HDAC4: variants seen among roughly 807,000 people sequenced by gnomAD.
HDAC4 encodes histone deacetylase 4, also known as histone deacetylase A.
A neutral mutation model predicts 135.1 loss-of-function variants in HDAC4; 16 were observed. The observed-to-expected ratio is 0.12, with a 90% CI of 0.08 to 0.18. The LOEUF is 0.18. Among genes scored for constraint, HDAC4 ranks in the 10% least tolerant of loss-of-function variants. The pLI is 1.00. For synonymous variants in HDAC4, 685 were observed against 653.4 expected, an observed-to-expected ratio of 1.05 and a Z score of -0.74; for missense variants, 1,143 against 1,511.8, an observed-to-expected ratio of 0.76 and a Z score of 4.05.
intron 1 of HDAC4, among the ~76,000 whole-genome samples, chr2:239,353,281 C>G (rs1475787177): frequency 6.6e-6 from 1 of 152,212 alleles, no homozygotes; most frequent in Admixed American, 6.5e-5. Context: ...TCCCAAAGTG[C>G]TGGGATTACA....
chr2:239,397,623 A>G (rs1414087475), intron 1 of HDAC4, among the ~76,000 whole-genome samples: 3 of 152,182 alleles, frequency 2.0e-5, no homozygotes, highest in African/African-American at 7.2e-5. Flanking sequence ...GCAAGGGGAC[A>G]TGGCCATTTA....
chr2:239,204,843 C>A (rs569213485), intron 3 of HDAC4, among the ~76,000 whole-genome samples: 1 of 152,314 alleles, frequency 6.6e-6, no homozygotes, highest in Non-Finnish European at 1.5e-5. Context: ...TCTGATGGCC[C>A]CTTCCTCTGT....
intron 2 of HDAC4, among the ~76,000 whole-genome samples, chr2:239,278,701 T>C (rs1298203358): frequency 6.6e-6 from 1 of 152,170 alleles, no homozygotes; most frequent in Non-Finnish European, 1.5e-5. Flanking sequence ...TTGTACCACA[T>C]GTCAGTCAAA....
At chr2:239,144,004 G>A (rs1468009048) in intron 8 of HDAC4, among the ~76,000 whole-genome samples, 1 of 152,170 alleles carries the variant, frequency 6.6e-6, no homozygotes, top group Admixed American at 6.5e-5. Context: ...CCCTCAAGAG[G>A]GGCGGGTGAG....
In HDAC4 at chr2:239,138,325, T is replaced by G. The variant is rs748674180; in HGVS notation, c.978+1359A>C. On this transcript the variant is annotated intron_variant, in intron 9 of 26. Transcript: ENST00000543185. ...TTCGTTCTGAGCAGTAATTCTAGTC[T>G]CTAAAAATGTTTATACATAAACGGT... Among the ~76,000 whole-genome samples the G allele has an allele frequency of 5.2e-4, 79 of 152,204 alleles. 1 individual carries two copies. Among genetic ancestry groups the G allele is most frequent in the Non-Finnish European group, 9.6e-4 (65 of 68,032 alleles).
intron 15 of HDAC4, among the ~76,000 whole-genome samples, chr2:239,105,979 G>A (rs187454487): frequency 1.3e-5 from 2 of 152,308 alleles, no homozygotes; most frequent in East Asian, 1.9e-4. Flanking sequence ...GCAAGGCACT[G>A]CTGTCCAGGG....
At chr2:239,080,790 A>T in intron 22 of HDAC4, 1 of 417,506 alleles carries the variant, frequency 2.4e-6, no homozygotes, top group Non-Finnish European at 4.3e-6. Context: ...GTTTCTCATG[A>T]ACATAACACT....
chr2:239,139,768 G>T lies in HDAC4; in HGVS notation c.894C>A (p.Ser298=). ...TDSACSSAPG[S]GPSSPNNSSG... is the part of the protein sequence containing the mutation. The stretch of plus-strand genomic sequence containing the variant: ...AGCTGTTGTTGGGTGAGCTGGGTCC[G>T]GAGCCTGGGGCGCTGCTGCACGCGG... The change falls in exon 9 of 27, where the codon TCC becomes TCA. Residue 298 remains serine (S), a synonymous_variant. Coordinates refer to ENST00000543185, the MANE Select transcript of HDAC4 (RefSeq NM_001378414.1). The surrounding 1 kb of genome is among the most constrained non-coding windows in gnomAD (Gnocchi z 5.3). The T allele has an allele frequency of 6.2e-7, 1 of 1,614,090 alleles. No individual in the cohort carries two copies. The highest frequency in any genetic ancestry group is 8.5e-7 in the Non-Finnish European group (1 of 1,179,984).
At position 239,352,226 on chromosome 2, in the gene HDAC4, C is replaced by T. The variant is rs1035252997; in HGVS notation, c.22+452G>A. ...GCCCCTCACAGAGGCCCTCAAACAC[C>T]AGGAGCAACTGTGGCCACGACCTCA... is the stretch of plus-strand genomic sequence containing the variant. On this transcript the variant is annotated intron_variant, in intron 2 of 26. Transcript: ENST00000543185. The surrounding 1 kb of genome is among the most constrained non-coding windows in gnomAD (Gnocchi z 4.4). Among the ~76,000 whole-genome samples, 3 of 152,144 alleles carry T rather than the reference C, an allele frequency of 2.0e-5. No individual in the cohort carries two copies. The highest frequency in any genetic ancestry group is 4.8e-5 in the African/African-American group (2 of 41,430).
intron 17 of HDAC4, 99 bp downstream of exon 17, chr2:239,094,911 A>G: frequency 6.2e-7 from 1 of 1,606,476 alleles, no homozygotes; most frequent in East Asian, 2.2e-5. Flanking sequence ...AACACCTGGC[A>G]GCAATTATTC....
At chr2:239,319,254 G>A (rs1046196428) in intron 2 of HDAC4, among the ~76,000 whole-genome samples, 1 of 152,246 alleles carries the variant, frequency 6.6e-6, no homozygotes, top group African/African-American at 2.4e-5. Flanking sequence ...GTGGCCATAG[G>A]AAGCTGTGAC....
Position 239,126,567 on chromosome 2 carries a change from C to T in HDAC4, c.1422G>A (p.Pro474=), listed in dbSNP as rs150683082. 8.5e-5 allele frequency: 137 copies of T among 1,613,712 alleles called. No individual in the cohort carries two copies. Among genetic ancestry groups the T allele is most frequent in the Admixed American group, 1.2e-4 (7 of 59,980 alleles). The part of the protein sequence containing the change: ...HRPLGRTQSA[P]LPQNAQALQH... ...GCAGAGCCTGGGCGTTCTGGGGCAG[C>T]GGGGCCGACTGGGTCCGCCCCAGTG... The change falls in exon 12 of 27, where the codon CCG becomes CCA. Residue 474 remains proline, a synonymous_variant. Transcript: ENST00000543185.
At chr2:239,194,512 A>C (rs1307874851) in intron 3 of HDAC4, among the ~76,000 whole-genome samples, 1 of 152,074 alleles carries the variant, frequency 6.6e-6, no homozygotes, top group Non-Finnish European at 1.5e-5. Context: ...TGCGTGCATC[A>C]CCTGAACGGT....
intron 25 of HDAC4, among the ~76,000 whole-genome samples, chr2:239,054,500 T>C (rs1055961892): frequency 6.6e-6 from 1 of 152,112 alleles, no homozygotes; most frequent in Non-Finnish European, 1.5e-5. Flanking sequence ...TGGGCCTTGA[T>C]TCTCTAGACT....
At chr2:239,062,950 C>A (rs2032972290) in intron 24 of HDAC4, among the ~76,000 whole-genome samples, 1 of 152,188 alleles carries the variant, frequency 6.6e-6, no homozygotes, top group Non-Finnish European at 1.5e-5. Context: ...CTGCGATGGC[C>A]CAGGCTGCAG....
chr2:239,233,733 A>T (rs1214178773), intron 3 of HDAC4, among the ~76,000 whole-genome samples: 2 of 152,224 alleles, frequency 1.3e-5, no homozygotes, highest in African/African-American at 4.8e-5. Flanking sequence ...GTCAGGAAAC[A>T]GGACAGATCA....
At chr2:239,243,154 C>A (rs193242443) in intron 2 of HDAC4, among the ~76,000 whole-genome samples, 184 of 151,276 alleles carry the variant, frequency 1.2e-3, no homozygotes, top group Admixed American at 0.011. Context: ...AATTAACATT[C>A]CTTTTTTTTT....
At chr2:239,201,631 A>T (rs1198453939) in intron 3 of HDAC4, among the ~76,000 whole-genome samples, 3 of 152,188 alleles carry the variant, frequency 2.0e-5, no homozygotes, top group African/African-American at 7.2e-5. Context: ...GGCCGAGACA[A>T]CAGCCCCAGA....
chr2:239,367,983 A>T (rs1427772737), intron 1 of HDAC4, among the ~76,000 whole-genome samples: 1 of 151,918 alleles, frequency 6.6e-6, no homozygotes, highest in African/African-American at 2.4e-5. Flanking sequence ...GTCTCAAAAT[A>T]AATAAATAAA....
Sources: gnomAD v4.1 joint callset for allele counts (sites outside exome capture counted in the v4.1 genomes callset) on GRCh38, gnomAD v4.1.1 for gene constraint, Gnocchi (gnomAD v3.1) non-coding constraint, MANE v1.5 for transcripts, NCBI Gene and HGNC (gene_info 2026-07-23, HGNC 2026-07-21) for gene names.